PHYHIPL: variants seen among roughly 807,000 people sequenced by gnomAD.
PHYHIPL encodes phytanoyl-CoA hydroxylase-interacting protein-like.
PHYHIPL carries 9 observed loss-of-function variants against 33.4 expected under a neutral mutation model. That is an observed-to-expected ratio of 0.27 (90% CI 0.16 to 0.47). PHYHIPL has a LOEUF of 0.47. PHYHIPL is among the 20% of genes least tolerant of loss of function. The pLI is 0.99. For synonymous variants in PHYHIPL, 153 were observed against 154.1 expected (o/e 0.99, Z 0.05); for missense variants, 365 against 460.7 (o/e 0.79, Z 1.90).
At chr10:59,211,664 TAAAAAAAAA>T (rs58992023) in intron 1 of PHYHIPL, among the ~76,000 whole-genome samples, 23 of 74,102 alleles carry the variant, frequency 3.1e-4, no homozygotes, top group East Asian at 2.3e-3. Flanking sequence ...GCGGACTCTC[TAAAAAAAAA>T]AAAAAAAAAA....
chr10:59,189,678 T>C (rs1838727522), intron 1 of PHYHIPL, among the ~76,000 whole-genome samples: 1 of 152,034 alleles, frequency 6.6e-6, no homozygotes, highest in South Asian at 2.1e-4. Flanking sequence ...TGAGAATCAA[T>C]ATATTTAAGT....
At chr10:59,175,338 AT>A (rs1198110579), upstream of PHYHIPL, among the ~76,000 whole-genome samples, 2 of 152,154 alleles carry the variant, frequency 1.3e-5, no homozygotes, top group Non-Finnish European at 2.9e-5. Flanking sequence ...TCACAGGCTT[AT>A]TTTACTTTAA....
intron 1 of PHYHIPL, among the ~76,000 whole-genome samples, chr10:59,178,481 T>G (rs1264337906): frequency 6.6e-6 from 1 of 152,178 alleles, no homozygotes; most frequent in Non-Finnish European, 1.5e-5. Flanking sequence ...TAGACTTTTA[T>G]GAAATGACTT....
At chr10:59,192,433 A>T (rs746960446) in intron 1 of PHYHIPL, among the ~76,000 whole-genome samples, 6 of 151,974 alleles carry the variant, frequency 3.9e-5, no homozygotes, top group African/African-American at 1.4e-4. Context: ...ATTTCTAACA[A>T]ATTTCTAGGG....
chr10:59,211,138 C>T (rs534746011), intron 1 of PHYHIPL, among the ~76,000 whole-genome samples: 7 of 151,942 alleles, frequency 4.6e-5, no homozygotes, highest in East Asian at 1.9e-4. Context: ...TTTGGGAGGC[C>T]GAGGTGGGAG....
rs566547983 is a variant in PHYHIPL at position 59,239,986 on chromosome 10, G to A, written c.596+1281G>A. Among the ~76,000 whole-genome samples, 9 of 152,178 alleles carry A rather than the reference G, an allele frequency of 5.9e-5. No homozygotes were observed. The East Asian group carries it at 1.7e-3, about 29-fold the overall frequency. ...AGATTTAAATCAGCTTCAAGCTGTGGAAAATGCAACAGGAATCAGAGAGAG... is the reference window on the plus strand; with the variant it reads ...AGATTTAAATCAGCTTCAAGCTGTGAAAAATGCAACAGGAATCAGAGAGAG... On this transcript the variant is annotated intron_variant, in intron 4 of 4. Transcript: ENST00000373880.
intron 1 of PHYHIPL, among the ~76,000 whole-genome samples, chr10:59,224,578 C>G (rs1265318997): frequency 6.6e-6 from 1 of 152,156 alleles, no homozygotes; most frequent in African/African-American, 2.4e-5. Context: ...GTTCTTGGAA[C>G]TAGTGCCAAG....
chr10:59,242,938 T>G (rs1021642445), intron 4 of PHYHIPL, among the ~76,000 whole-genome samples: 2 of 152,184 alleles, frequency 1.3e-5, no homozygotes, highest in African/African-American at 4.8e-5. Flanking sequence ...ATATTCATGT[T>G]GTTAAAGTCA....
chr10:59,218,476 C>A (rs1284630889), intron 1 of PHYHIPL, among the ~76,000 whole-genome samples: 4 of 152,036 alleles, frequency 2.6e-5, no homozygotes, highest in Admixed American at 2.6e-4. Flanking sequence ...AAAGTCTGTA[C>A]AATGTAGAAT....
chr10:59,211,139 G>A (rs554029006), intron 1 of PHYHIPL, among the ~76,000 whole-genome samples: 3 of 152,170 alleles, frequency 2.0e-5, no homozygotes, highest in Admixed American at 6.5e-5. Context: ...TTGGGAGGCC[G>A]AGGTGGGAGC....
At chr10:59,217,485 T>C (rs1433653870) in intron 1 of PHYHIPL, among the ~76,000 whole-genome samples, 3 of 151,978 alleles carry the variant, frequency 2.0e-5, no homozygotes, top group Non-Finnish European at 4.4e-5. Flanking sequence ...CTCTATAATA[T>C]ACAATTATAG....
At chr10:59,238,444 A>C (rs1056665349) in intron 3 of PHYHIPL, 144 bp from the exon 4 acceptor site, 2 of 448,306 alleles carry the variant, frequency 4.5e-6, no homozygotes, top group Non-Finnish European at 8.0e-6. Context: ...ACAGACAATG[A>C]ATATTTTCTT....
chr10:59,175,238 A>G (rs1028519469), upstream of PHYHIPL, among the ~76,000 whole-genome samples: 2 of 152,242 alleles, frequency 1.3e-5, no homozygotes, highest in Non-Finnish European at 2.9e-5. Flanking sequence ...ATCCATCTTC[A>G]TTAATAAGTT....
chr10:59,215,716 G>A (rs532324140), intron 1 of PHYHIPL, among the ~76,000 whole-genome samples: 111 of 152,012 alleles, frequency 7.3e-4, no homozygotes, highest in Non-Finnish European at 1.5e-3. Flanking sequence ...ACTAAAATAT[G>A]TGAATATTCT....
At chr10:59,175,825 A>T (rs1428234001), upstream of PHYHIPL, among the ~76,000 whole-genome samples, 1 of 152,250 alleles carries the variant, frequency 6.6e-6, no homozygotes, top group Non-Finnish European at 1.5e-5. Flanking sequence ...GACGCCCAGA[A>T]CAATGGCATA....
chr10:59,183,237 T>G (rs1469993531), intron 1 of PHYHIPL, among the ~76,000 whole-genome samples: 1 of 152,120 alleles, frequency 6.6e-6, no homozygotes, highest in African/African-American at 2.4e-5. Flanking sequence ...CTTAATAGTT[T>G]AGAGAGGATT....
intron 1 of PHYHIPL, among the ~76,000 whole-genome samples, chr10:59,187,655 T>C (rs1180001850): frequency 1.3e-5 from 2 of 152,178 alleles, no homozygotes; most frequent in African/African-American, 4.8e-5. Flanking sequence ...CTGTTATTGG[T>C]CTATTCAGAG....
At chr10:59,233,844 A>G (rs984098314) in intron 1 of PHYHIPL, among the ~76,000 whole-genome samples, 2 of 151,952 alleles carry the variant, frequency 1.3e-5, no homozygotes, top group South Asian at 2.1e-4. Flanking sequence ...TTGTATATGT[A>G]GTAAAACCAT....
intron 1 of PHYHIPL, among the ~76,000 whole-genome samples, chr10:59,194,089 T>C (rs1352421437): frequency 6.7e-6 from 1 of 148,848 alleles, no homozygotes; most frequent in African/African-American, 2.5e-5. Context: ...TGTTTTTTTT[T>C]TTTTTTTTTT....
Sources: gnomAD v4.1 joint callset for allele counts (sites outside exome capture counted in the v4.1 genomes callset) on GRCh38, gnomAD v4.1.1 for gene constraint, MANE v1.5 for transcripts, NCBI Gene and HGNC (gene_info 2026-07-23, HGNC 2026-07-21) for gene names.